UGT1A5: variants seen among roughly 807,000 people sequenced by gnomAD.
UGT1A5 encodes UDP glucuronosyltransferase family 1 member A5.
In UGT1A5, 29 loss-of-function variants were observed where a neutral mutation model predicts 40.3. The ratio of observed to expected loss-of-function variants is 0.72; its 90% CI spans 0.54 to 0.98. The LOEUF is 0.98. UGT1A5 is among the 50% of genes least tolerant of loss of function. UGT1A5 has a pLI of 0.00. For missense variants in UGT1A5, 678 were observed against 677.9 expected (o/e 1.00, Z 0.00); for synonymous variants, 257 against 262.5 (o/e 0.98, Z 0.20).
intron 1 of UGT1A5, chr2:233,740,766 G>T (rs189465133): frequency 6.6e-6 from 1 of 151,710 alleles, no homozygotes; most frequent in Admixed American, 6.5e-5. Context: ...TTATCAAACC[G>T]TTGTATAAAA....
intron 1 of UGT1A5, among the ~76,000 whole-genome samples, chr2:233,759,688 G>T (rs537890519): frequency 7.0e-6 from 1 of 143,840 alleles, no homozygotes; most frequent in Admixed American, 7.5e-5. Flanking sequence ...TGTGAGTCTG[G>T]CTCACCTCAT....
intron 1 of UGT1A5, among the ~76,000 whole-genome samples, chr2:233,746,867 A>G (rs1013887537): frequency 6.6e-6 from 1 of 151,064 alleles, no homozygotes; most frequent in Non-Finnish European, 1.5e-5. Context: ...CAGCCTGATA[A>G]ACGTGGTTAA....
chr2:233,751,343 TTTTGA>T lies in UGT1A5; in HGVS notation c.868-15687_868-15683del, dbSNP rs1694706279. Among the ~76,000 whole-genome samples the T allele has an allele frequency of 2.0e-5, 3 of 150,848 alleles. No homozygotes were observed. In the South Asian group the frequency reaches 6.2e-4, roughly 31 times the overall value. ...ACCCCCATTGTGTCTTGGAAGTTAC[TTTTGA>T]TTTTACAGGCTCATGGGGGAAGGGA... On this transcript the variant is annotated intron_variant, in intron 1 of 4. Coordinates refer to ENST00000373414, the MANE Select transcript of UGT1A5 (RefSeq NM_019078.2).
intron 1 of UGT1A5, chr2:233,755,330 C>T (rs1695864854): frequency 6.5e-6 from 3 of 463,614 alleles, no homozygotes; most frequent in East Asian, 7.0e-5. Context: ...TGCCAGCACC[C>T]GCGCACAGGT....
chr2:233,728,187 T>G (rs1430038112), intron 1 of UGT1A5, among the ~76,000 whole-genome samples: 5 of 152,222 alleles, frequency 3.3e-5, no homozygotes, highest in Non-Finnish European at 7.3e-5. Flanking sequence ...TATCAGAACT[T>G]GGTGCTGGAT....
At chr2:233,739,434 A>C (rs369218024) in intron 1 of UGT1A5, among the ~76,000 whole-genome samples, 2 of 152,136 alleles carry the variant, frequency 1.3e-5, no homozygotes, top group African/African-American at 2.4e-5. Flanking sequence ...CGAGGGCTTT[A>C]CCCTGCAAAG....
chr2:233,769,478 T>C lies in UGT1A5; in HGVS notation c.1307+1039T>C. The C allele has an allele frequency of 5.6e-6, 9 of 1,611,038 alleles. No homozygotes were observed. Among genetic ancestry groups the C allele is most frequent in the Non-Finnish European group, 7.6e-6 (9 of 1,178,536 alleles). On this transcript the variant is annotated intron_variant, in intron 4 of 4. Transcript: ENST00000373414. The surrounding 1 kb of genome is among the most constrained non-coding windows in gnomAD (Gnocchi z 4.4). Reference sequence around the variant, plus strand: ...GCATTCATATGCGTGTGTGTGTGTGTGCGTGTGTTTATGAGAGTGTCCATT... The same window carrying C: ...GCATTCATATGCGTGTGTGTGTGTGCGCGTGTGTTTATGAGAGTGTCCATT...
At chr2:233,742,446 G>A (rs1691980531) in intron 1 of UGT1A5, among the ~76,000 whole-genome samples, 1 of 151,938 alleles carries the variant, frequency 6.6e-6, no homozygotes, top group South Asian at 2.1e-4. Flanking sequence ...GGTGGGCCAG[G>A]TGTTCCTTGC....
rs779826535 is a variant in UGT1A5 at position 233,768,441 on chromosome 2, TAAGA to T, written c.1307+8_1307+11del. ...AAAAGCAGTCATCAATGACAAAAGGTAAGAAAGAAGATACAGAAGAATACTTTGG... is the reference window on the plus strand; with the variant it reads ...AAAAGCAGTCATCAATGACAAAAGGTAAGAAGATACAGAAGAATACTTTGG... On this transcript the variant is annotated splice_donor_5th_base_variant and intron_variant, in intron 4 of 4. Coordinates refer to ENST00000373414, the MANE Select transcript of UGT1A5 (RefSeq NM_019078.2). 2 of 1,613,308 alleles carry T rather than the reference TAAGA, an allele frequency of 1.2e-6. No individual in the cohort carries two copies. Among genetic ancestry groups the T allele is most frequent in the Non-Finnish European group, 1.7e-6 (2 of 1,179,602 alleles).
intron 1 of UGT1A5, chr2:233,744,085 T>A: frequency 2.3e-6 from 1 of 436,802 alleles, no homozygotes; most frequent in Non-Finnish European, 3.9e-6. Flanking sequence ...CATCCCAAGA[T>A]GCAGTGCTTC....
chr2:233,746,292 T>G (rs1467631519), intron 1 of UGT1A5, among the ~76,000 whole-genome samples: 3 of 151,662 alleles, frequency 2.0e-5, no homozygotes, highest in Non-Finnish European at 4.4e-5. Flanking sequence ...GAAGGTGGCT[T>G]TGTTTCCCTT....
At chr2:233,761,337 T>C (rs1199702907) in intron 1 of UGT1A5, among the ~76,000 whole-genome samples, 1 of 152,264 alleles carries the variant, frequency 6.6e-6, no homozygotes, top group Non-Finnish European at 1.5e-5. Context: ...GATTTCTTGG[T>C]ATCTGAGATT....
At chr2:233,752,601 A>T (rs969086099) in intron 1 of UGT1A5, 2 of 152,086 alleles carry the variant, frequency 1.3e-5, no homozygotes, top group Non-Finnish European at 2.9e-5. Flanking sequence ...GATTTTTTTT[A>T]AAAAAACATT....
chr2:233,719,067 C>T (rs769802516), intron 1 of UGT1A5: 180 of 1,614,260 alleles, frequency 1.1e-4, no homozygotes, highest in East Asian at 4.0e-4. Flanking sequence ...CTATGCTGTT[C>T]CATGGACCCA....
chr2:233,768,064 A>G, intron 3 of UGT1A5, 128 bp downstream of exon 3: 1 of 1,598,982 alleles, frequency 6.3e-7, no homozygotes, highest in Non-Finnish European at 8.5e-7. Flanking sequence ...ATTGCTTTTT[A>G]TCTAGTGGGG....
At chr2:233,722,458 CTG>C (rs1559367331) in intron 1 of UGT1A5, among the ~76,000 whole-genome samples, 1 of 152,186 alleles carries the variant, frequency 6.6e-6, no homozygotes, top group South Asian at 2.1e-4. Flanking sequence ...AAAGAAATAA[CTG>C]TGGAATTTGT....
rs774552419 is a variant in UGT1A5 at position 233,767,911 on chromosome 2, G to A, written c.1062G>A (p.Lys354=). ...SNLANNTILV[K]WLPQNDLLGH... is the part of the protein sequence containing the mutation. Reference sequence around the variant, plus strand: ...TTGCGAACAACACGATACTTGTTAAGTGGCTACCCCAAAACGATCTGCTTG... The same window carrying A: ...TTGCGAACAACACGATACTTGTTAAATGGCTACCCCAAAACGATCTGCTTG... The change falls in exon 3 of 5, where the codon AAG becomes AAA. Residue 354 remains lysine (K), a synonymous_variant. Coordinates refer to ENST00000373414, the MANE Select transcript of UGT1A5 (RefSeq NM_019078.2). 13 of 1,614,068 alleles carry A rather than the reference G, an allele frequency of 8.1e-6. No homozygotes were observed. The highest frequency in any genetic ancestry group is 1.3e-5 in the African/African-American group (1 of 74,916).
intron 1 of UGT1A5, chr2:233,755,184 T>C: frequency 8.4e-7 from 1 of 1,195,602 alleles, no homozygotes. Context: ...GGGGTGCCAC[T>C]TGAGCGCCAG....
chr2:233,712,953 C>T lies in UGT1A5; in HGVS notation c.-39C>T, dbSNP rs759675918. Reference sequence around the variant, plus strand: ...AAGGAAACAATTCTAGGAGGCACAACGTGGGGTGGACAGTCAGCTGTCGGT... The same window carrying T: ...AAGGAAACAATTCTAGGAGGCACAATGTGGGGTGGACAGTCAGCTGTCGGT... On this transcript the variant is annotated 5_prime_UTR_variant, in exon 1 of 5. The change creates a new upstream start codon in the 5' untranslated region. Coordinates refer to ENST00000373414, the MANE Select transcript of UGT1A5 (RefSeq NM_019078.2). 1.9e-5 allele frequency: 31 copies of T among 1,612,662 alleles called. No individual in the cohort carries two copies. The highest frequency in any genetic ancestry group is 2.0e-4 in the Middle Eastern group (1 of 4,924).
Sources: allele counts gnomAD v4.1 joint callset (sites outside exome capture counted in the v4.1 genomes callset), GRCh38; gene constraint gnomAD v4.1.1; non-coding constraint Gnocchi (gnomAD v3.1); transcripts MANE v1.5; gene names NCBI Gene and HGNC (gene_info 2026-07-23, HGNC 2026-07-21).